CYP7B1: variants seen among roughly 807,000 people sequenced by gnomAD.
CYP7B1 encodes cytochrome P450 7B1.
A neutral mutation model predicts 42.7 loss-of-function variants in CYP7B1; 29 were observed. That is an observed-to-expected ratio of 0.68 (90% CI 0.51 to 0.93). CYP7B1 has a LOEUF of 0.93. CYP7B1 is among the 40% of genes least tolerant of loss of function. CYP7B1 has a pLI of 0.00. For synonymous variants in CYP7B1, 235 were observed against 218.2 expected (o/e 1.08, Z -0.68); for missense variants, 655 against 600.5 (o/e 1.09, Z -0.95).
intron 1 of CYP7B1, among the ~76,000 whole-genome samples, chr8:64,710,581 T>G (rs1807065590): frequency 6.6e-6 from 1 of 152,186 alleles, no homozygotes; most frequent in South Asian, 2.1e-4. Flanking sequence ...ATCTTTCTTT[T>G]CTCTGAATTC....
At chr8:64,782,684 T>C (rs1804449749) in intron 1 of CYP7B1, among the ~76,000 whole-genome samples, 1 of 152,194 alleles carries the variant, frequency 6.6e-6, no homozygotes, top group African/African-American at 2.4e-5. Flanking sequence ...ACAAAACAGA[T>C]GAAGTGTTTA....
At chr8:64,688,715 A>C (rs1313586671) in intron 1 of CYP7B1, among the ~76,000 whole-genome samples, 3 of 152,132 alleles carry the variant, frequency 2.0e-5, no homozygotes, top group Non-Finnish European at 4.4e-5. Flanking sequence ...ACTTGAGCCC[A>C]GGAGTTCAAA....
downstream of CYP7B1, among the ~76,000 whole-genome samples, chr8:64,587,985 GGAAA>G (rs1215681389): frequency 1.3e-5 from 2 of 152,102 alleles, no homozygotes; most frequent in African/African-American, 4.8e-5. Flanking sequence ...TCTCAGCTTG[GGAAA>G]GAGTTAATTC....
At position 64,592,199 on chromosome 8, in the gene CYP7B1, G is replaced by A. The variant is rs1805047097; in HGVS notation, c.*4443C>T. 6.6e-6 allele frequency among the ~76,000 whole-genome samples: 1 copy of A among 151,206 alleles called. No homozygotes were observed. Among genetic ancestry groups the A allele is most frequent in the Admixed American group, 6.6e-5 (1 of 15,132 alleles). On this transcript the variant is annotated 3_prime_UTR_variant, in exon 6 of 6. Transcript: ENST00000310193. ...CAAGACTCCATCTAAAAAAAAAAAA[G>A]GATGGGATTTTACAATATATAATAC... is the stretch of plus-strand genomic sequence containing the variant.
intron 1 of CYP7B1, among the ~76,000 whole-genome samples, chr8:64,672,869 T>G (rs962876858): frequency 2.0e-5 from 3 of 152,094 alleles, no homozygotes; most frequent in African/African-American, 7.2e-5. Flanking sequence ...GTGAGCCCCT[T>G]TGGTTTGTTC....
At chr8:64,623,248 T>C (rs1217450700) in intron 2 of CYP7B1, among the ~76,000 whole-genome samples, 1 of 152,234 alleles carries the variant, frequency 6.6e-6, no homozygotes, top group Non-Finnish European at 1.5e-5. Context: ...GCACTGTGAC[T>C]TGGTCTAACT....
At chr8:64,778,315 A>G (rs1318746027) in intron 1 of CYP7B1, among the ~76,000 whole-genome samples, 1 of 151,816 alleles carries the variant, frequency 6.6e-6, no homozygotes, top group Non-Finnish European at 1.5e-5. Context: ...GCATGACTAC[A>G]AAGAAATATA....
intron 1 of CYP7B1, among the ~76,000 whole-genome samples, chr8:64,734,705 T>C (rs1053266286): frequency 9.9e-5 from 15 of 152,212 alleles, no homozygotes; most frequent in African/African-American, 3.1e-4. Context: ...TTATTTGTAG[T>C]CCTATATATC....
intron 1 of CYP7B1, among the ~76,000 whole-genome samples, chr8:64,630,291 T>G (rs1805670700): frequency 6.6e-6 from 1 of 152,226 alleles, no homozygotes; most frequent in Admixed American, 6.5e-5. Flanking sequence ...AAGAGAAATT[T>G]GAGTTCAGAT....
intron 1 of CYP7B1, among the ~76,000 whole-genome samples, chr8:64,754,072 GGT>G (rs554739849): frequency 2.6e-3 from 395 of 152,090 alleles, no homozygotes; most frequent in African/African-American, 8.9e-3. Context: ...CAGTGTGGTT[GGT>G]CCCCATACAC....
chr8:64,798,478 A>T lies in CYP7B1; in HGVS notation c.110T>A (p.Val37Asp), dbSNP rs775470839. 6 of 1,512,950 alleles carry T rather than the reference A, an allele frequency of 4.0e-6. No homozygotes were observed. In the African/African-American group the frequency reaches 7.2e-5, roughly 18 times the overall value. The allele number at this position is 1,512,950 out of a possible 1,614,324, so 93.7% of individuals were successfully genotyped here. A position where few individuals can be genotyped will look rare whatever the true frequency, so the allele number is the denominator to read the frequency against. The part of the protein sequence containing the change: ...ALLLLALCLL[V>D]RRTRRPGEPP... Reference sequence around the variant, plus strand: ...CCGAGGCGCTTACCTGGTGCGCCGGACAAGCAAGCAGAGGGCCAGGAGCAG... The same window carrying T: ...CCGAGGCGCTTACCTGGTGCGCCGGTCAAGCAAGCAGAGGGCCAGGAGCAG... Residue 37 changes from valine to aspartate, a missense_variant, in exon 1 of 6, where the codon GTC becomes GAC. Transcript: ENST00000310193.
chr8:64,681,075 C>T (rs986076773), intron 1 of CYP7B1, among the ~76,000 whole-genome samples: 4 of 152,188 alleles, frequency 2.6e-5, no homozygotes, highest in South Asian at 2.1e-4. Context: ...TTGGTTCAAT[C>T]TGTGCCTTAA....
chr8:64,655,879 G>T (rs1335727760), intron 1 of CYP7B1, among the ~76,000 whole-genome samples: 1 of 152,142 alleles, frequency 6.6e-6, no homozygotes, highest in African/African-American at 2.4e-5. Context: ...AGAGCTGGAG[G>T]CTATTACCCT....
chr8:64,781,696 A>T (rs1393824443), intron 1 of CYP7B1, among the ~76,000 whole-genome samples: 1 of 152,140 alleles, frequency 6.6e-6, no homozygotes, highest in Non-Finnish European at 1.5e-5. Context: ...CCCCTATTTT[A>T]AGGTCAGCTG....
intron 1 of CYP7B1, among the ~76,000 whole-genome samples, chr8:64,685,874 T>G (rs1327828080): frequency 4.2e-5 from 1 of 23,970 alleles, no homozygotes; most frequent in African/African-American, 2.0e-4. Context: ...GGGAGGGAGG[T>G]GGGGGGGTCA....
chr8:64,675,323 C>A lies in CYP7B1; in HGVS notation c.123-50784G>T, dbSNP rs1221695717. ...GTAAAGAAAACTTGTGTTATAATCC[C>A]CTCATTCTTTATAAGCCCCTGGAAT... On this transcript the variant is annotated intron_variant, in intron 1 of 5. Coordinates refer to ENST00000310193, the MANE Select transcript of CYP7B1 (RefSeq NM_004820.5). Among the ~76,000 whole-genome samples, 3 of 151,656 alleles carry A rather than the reference C, an allele frequency of 2.0e-5. No individual in the cohort carries two copies. In the East Asian group the frequency reaches 5.8e-4, roughly 29 times the overall value.
intron 4 of CYP7B1, among the ~76,000 whole-genome samples, chr8:64,607,268 A>G (rs1051730974): frequency 6.6e-5 from 10 of 152,148 alleles, no homozygotes; most frequent in African/African-American, 2.4e-4. Context: ...AGGTGTTGTC[A>G]GAGAGATTTT....
At chr8:64,680,768 T>C (rs1368110960) in intron 1 of CYP7B1, among the ~76,000 whole-genome samples, 1 of 152,158 alleles carries the variant, frequency 6.6e-6, no homozygotes, top group Non-Finnish European at 1.5e-5. Flanking sequence ...AAAATTAAAA[T>C]TTGAAACAAC....
chr8:64,649,986 T>C (rs1656231432), intron 1 of CYP7B1, among the ~76,000 whole-genome samples: 1 of 152,198 alleles, frequency 6.6e-6, no homozygotes, highest in Non-Finnish European at 1.5e-5. Context: ...TAATTTGCAA[T>C]TATTTTCTCC....
Sources: gnomAD v4.1 joint callset for allele counts (sites outside exome capture counted in the v4.1 genomes callset) on GRCh38, gnomAD v4.1.1 for gene constraint, MANE v1.5 for transcripts, NCBI Gene and HGNC (gene_info 2026-07-23, HGNC 2026-07-21) for gene names.